The following NKAIN2 variants were observed in gnomAD, a reference collection of about 807,000 sequenced individuals.
The protein encoded by NKAIN2 is sodium/potassium-transporting ATPase subunit beta-1-interacting protein 2.
Under a neutral mutation model 32.6 loss-of-function variants are expected in NKAIN2, and 14 were observed. The ratio of observed to expected loss-of-function variants is 0.43; its 90% confidence interval spans 0.28 to 0.67. The LOEUF (loss-of-function observed/expected upper bound fraction) is 0.67, where lower values mean the gene tolerates loss of function less well. Among genes scored for constraint, NKAIN2 ranks in the 30% least tolerant of loss-of-function variants. NKAIN2 has a pLI of 0.17. For missense variants in NKAIN2, 198 were observed against 258.3 expected (o/e 0.77, Z 1.60); for synonymous variants, 80 against 87.2 (o/e 0.92, Z 0.46).
intron 3 of NKAIN2, among the ~76,000 whole-genome samples, chr6:124,505,027 G>T (rs1345422267): frequency 6.6e-6 from 1 of 152,178 alleles, no homozygotes; most frequent in Admixed American, 6.5e-5. Flanking sequence ...ACTCAGTTAT[G>T]ATGTGTTGAT....
intron 3 of NKAIN2, among the ~76,000 whole-genome samples, chr6:124,555,026 G>C (rs200036935): frequency 6.6e-6 from 1 of 152,174 alleles, no homozygotes; most frequent in South Asian, 2.1e-4. Flanking sequence ...CCTTGGGTTT[G>C]ATTCCCACTA....
intron 1 of NKAIN2, among the ~76,000 whole-genome samples, chr6:124,019,632 A>C (rs1476769326): frequency 6.6e-6 from 1 of 152,156 alleles, no homozygotes; most frequent in Non-Finnish European, 1.5e-5. Context: ...AACATAATAA[A>C]TATTATGGAT....
chr6:124,594,402 G>T (rs865776718), intron 3 of NKAIN2, among the ~76,000 whole-genome samples: 1 of 152,138 alleles, frequency 6.6e-6, no homozygotes. Context: ...GACATTAAAA[G>T]AGTTGAAAAA....
intron 1 of NKAIN2, among the ~76,000 whole-genome samples, chr6:123,957,770 C>CA (rs1343735543): frequency 6.6e-6 from 1 of 151,790 alleles, no homozygotes; most frequent in East Asian, 1.9e-4. Flanking sequence ...ATGTATTACC[C>CA]AAAAAATCTT....
intron 5 of NKAIN2, among the ~76,000 whole-genome samples, chr6:124,809,534 A>C (rs1406578646): frequency 1.0e-4 from 15 of 150,656 alleles, no homozygotes; most frequent in South Asian, 4.3e-4. Context: ...AAAACCCTAG[A>C]AGAAAACCTA....
chr6:124,799,470 C>T (rs1391103252), intron 5 of NKAIN2, among the ~76,000 whole-genome samples: 1 of 151,818 alleles, frequency 6.6e-6, no homozygotes, highest in East Asian at 1.9e-4. Flanking sequence ...CATACACATA[C>T]ACACACACAC....
chr6:124,355,401 C>A, intron 3 of NKAIN2, 54 bp downstream of exon 3: 1 of 984,820 alleles, frequency 1.0e-6, no homozygotes, highest in Non-Finnish European at 1.6e-6. Context: ...CAAGTCTCTT[C>A]CTAAGTAAGG....
intron 1 of NKAIN2, among the ~76,000 whole-genome samples, chr6:124,134,028 G>A (rs1355411142): frequency 2.0e-5 from 3 of 151,224 alleles, no homozygotes; most frequent in Non-Finnish European, 2.9e-5. Flanking sequence ...TCTAAACGAA[G>A]AAGAAATCCC....
chr6:123,940,855 C>T (rs1776784439), intron 1 of NKAIN2, among the ~76,000 whole-genome samples: 1 of 151,822 alleles, frequency 6.6e-6, no homozygotes, highest in African/African-American at 2.4e-5. Flanking sequence ...AAAAATTTTT[C>T]ATTCTTCAAT....
intron 1 of NKAIN2, among the ~76,000 whole-genome samples, chr6:123,953,584 TAGC>T (rs909176672): frequency 6.6e-6 from 1 of 152,064 alleles, no homozygotes; most frequent in African/African-American, 2.4e-5. Flanking sequence ...ACTGTGGTAG[TAGC>T]AGCGGGTTGG....
chr6:124,385,272 A>T (rs1772845466), intron 3 of NKAIN2, among the ~76,000 whole-genome samples: 1 of 152,106 alleles, frequency 6.6e-6, no homozygotes. Flanking sequence ...TGTCAGGGAG[A>T]TGGACGAGGT....
intron 1 of NKAIN2, among the ~76,000 whole-genome samples, chr6:124,054,990 T>A (rs1376398414): frequency 6.6e-6 from 1 of 152,072 alleles, no homozygotes; most frequent in African/African-American, 2.4e-5. Context: ...CTTTGTTAAT[T>A]TCCTATTGGA....
intron 3 of NKAIN2, among the ~76,000 whole-genome samples, chr6:124,534,581 G>A (rs562811111): frequency 7.9e-5 from 12 of 152,288 alleles, no homozygotes; most frequent in African/African-American, 1.2e-4. Context: ...ACAGATAGTC[G>A]GTTCGAATTT....
At chr6:123,999,228 C>A (rs1256547485) in intron 1 of NKAIN2, among the ~76,000 whole-genome samples, 1 of 152,036 alleles carries the variant, frequency 6.6e-6, no homozygotes, top group African/African-American at 2.4e-5. Flanking sequence ...GGTAAAGTAG[C>A]CCTAGTGCCT....
intron 1 of NKAIN2, among the ~76,000 whole-genome samples, chr6:123,911,805 A>ATATATATATATGTGTG (rs1271100335): frequency 8.8e-5 from 9 of 102,688 alleles, no homozygotes; most frequent in Admixed American, 1.1e-4. Context: ...ATATATGTAT[A>ATATATATATATGTGTG]TATATATACA....
chr6:123,929,588 A>C (rs1776161529), intron 1 of NKAIN2, among the ~76,000 whole-genome samples: 1 of 152,154 alleles, frequency 6.6e-6, no homozygotes, highest in South Asian at 2.1e-4. Flanking sequence ...AGGCAGCCTA[A>C]ATGATAAATC....
chr6:124,409,295 G>A (rs1224476101), intron 3 of NKAIN2, among the ~76,000 whole-genome samples: 2 of 152,100 alleles, frequency 1.3e-5, no homozygotes, highest in South Asian at 2.1e-4. Flanking sequence ...AATGCTTCCA[G>A]TTTTTGCCCA....
chr6:124,634,338 G>C (rs1269664951), intron 3 of NKAIN2, among the ~76,000 whole-genome samples: 3 of 152,056 alleles, frequency 2.0e-5, no homozygotes, highest in African/African-American at 7.2e-5. Flanking sequence ...AACACTGATA[G>C]ACAATTAAAC....
intron 3 of NKAIN2, among the ~76,000 whole-genome samples, chr6:124,467,411 C>A (rs1776803650): frequency 6.6e-6 from 1 of 152,006 alleles, no homozygotes; most frequent in South Asian, 2.1e-4. Flanking sequence ...TAATTAAAGA[C>A]CATTATCTGA....
Sources: allele counts gnomAD v4.1 joint callset (sites outside exome capture counted in the v4.1 genomes callset), GRCh38; gene constraint gnomAD v4.1.1; transcripts MANE v1.5; gene names NCBI Gene and HGNC (gene_info 2026-07-23, HGNC 2026-07-21).